The following LGI4 variants were observed in gnomAD, a reference collection of about 807,000 sequenced individuals.
The protein encoded by LGI4 is leucine rich repeat LGI family member 4, also known as leucine-rich repeat LGI family member 4.
In LGI4, 36 loss-of-function variants were observed where a neutral mutation model predicts 48.3. The ratio of observed to expected loss-of-function variants is 0.75; its 90% CI spans 0.57 to 0.98. The LOEUF (loss-of-function observed/expected upper bound fraction) is 0.98, where lower values mean the gene tolerates loss of function less well. Ranked by LOEUF, LGI4 falls within the 50% of genes least tolerant of loss-of-function variation. The pLI is 0.00. For missense variants in LGI4, 701 were observed against 732.1 expected, an observed-to-expected ratio of 0.96 and a Z score of 0.49; for synonymous variants, 355 against 331.6, an observed-to-expected ratio of 1.07 and a Z score of -0.77.
At chr19:35,133,465 T>TC in intron 3 of LGI4, 1 of 1,375,140 alleles carries the variant, frequency 7.3e-7, no homozygotes, top group Non-Finnish European at 9.4e-7. Flanking sequence ...AGAAGTGAGG[T>TC]GATAATCAAC....
chr19:35,131,624 AC>A, intron 5 of LGI4, 69 bp from the exon 6 acceptor site: 1 of 1,510,594 alleles, frequency 6.6e-7, no homozygotes, highest in Non-Finnish European at 8.9e-7. Context: ...TCCTGCCCCC[AC>A]CTCAGGCAAG....
intron 6 of LGI4, 150 bp downstream of exon 6, chr19:35,131,236 G>C: frequency 1.1e-5 from 10 of 906,216 alleles, no homozygotes; most frequent in Non-Finnish European, 1.6e-5. Context: ...CTTTACAGAT[G>C]AGAAAACTGG....
Position 35,124,602 on chromosome 19 carries a change from C to CT in LGI4, c.*590dup, listed in dbSNP as rs1186402834. On this transcript the variant is annotated 3_prime_UTR_variant, in exon 9 of 9. Transcript: ENST00000310123. Reference sequence around the variant, plus strand: ...AAGGGCACCAGGCTCCCCGCGACACCTCCCGCTGTCCCTCCCTGTGCCCCG... The same window carrying CT: ...AAGGGCACCAGGCTCCCCGCGACACCTTCCCGCTGTCCCTCCCTGTGCCCCG... The CT allele has an allele frequency of 2.1e-5, 3 of 146,286 alleles. No individual in the cohort carries two copies. Among genetic ancestry groups the CT allele is most frequent in the African/African-American group, 7.5e-5 (3 of 39,738 alleles). 9.1% of individuals were successfully genotyped at this position (146,286 alleles called of 1,614,324 possible).
intron 6 of LGI4, among the ~76,000 whole-genome samples, chr19:35,130,764 C>T (rs2065168974): frequency 6.6e-6 from 1 of 152,144 alleles, no homozygotes; most frequent in Admixed American, 6.5e-5. Flanking sequence ...CCTTCCTGTC[C>T]CCCCAGCTCT....
At chr19:35,133,123 C>G (rs901109947) in intron 3 of LGI4, among the ~76,000 whole-genome samples, 1 of 152,092 alleles carries the variant, frequency 6.6e-6, no homozygotes, top group Non-Finnish European at 1.5e-5. Flanking sequence ...CATCCCCACT[C>G]CATCATCATC....
intron 2 of LGI4, 51 bp from the exon 3 acceptor site, chr19:35,133,815 A>T: frequency 1.3e-6 from 2 of 1,547,720 alleles, no homozygotes; most frequent in Non-Finnish European, 1.8e-6. Flanking sequence ...CCCCCATCTG[A>T]CATTTTAACC....
At chr19:35,132,246 T>G (rs1446296729) in intron 3 of LGI4, among the ~76,000 whole-genome samples, 2 of 152,050 alleles carry the variant, frequency 1.3e-5, no homozygotes, top group African/African-American at 4.8e-5. Context: ...TCATTGCCAG[T>G]TTCACTGTGA....
chr19:35,134,271 C>A (rs2065194490), intron 1 of LGI4, among the ~76,000 whole-genome samples, 167 bp from the exon 2 acceptor site: 1 of 152,222 alleles, frequency 6.6e-6, no homozygotes, highest in Non-Finnish European at 1.5e-5. Flanking sequence ...TTGACAAGGA[C>A]CCTGACAGCA....
Position 35,134,069 on chromosome 19 carries a change from G to T in LGI4, c.206C>A (p.Ala69Asp), listed in dbSNP as rs779470894. 6.4e-7 allele frequency: 1 copy of T among 1,566,492 alleles called. No individual in the cohort carries two copies. The highest frequency in any genetic ancestry group is 1.2e-5 in the South Asian group (1 of 84,932). ...LVRTGVTQLK[A>D]GSFLRIPSLH... is the part of the protein sequence containing the mutation. ...AGACGGAATTCTCAGGAAGCTGCCG[G>T]CCTTCAGCTGGGTGACTCCCGTCCT... The change falls in exon 2 of 9, where the codon GCC becomes GAC. Residue 69 changes from alanine (A) to aspartate (D), a missense_variant. This residue lies in a region of LGI4 where 462 missense variants were observed against 436.4 expected (regional missense o/e 1.06). Coordinates refer to ENST00000310123, the MANE Select transcript of LGI4 (RefSeq NM_139284.3).
At position 35,131,818 on chromosome 19, in the gene LGI4, C is replaced by G; in HGVS notation, c.429G>C (p.Leu143=). ...NNHLETLPRF[L]FRGLDTLTHV... The stretch of plus-strand genomic sequence containing the variant: ...GAGTAAGGGTGTCCAGGCCTCGGAA[C>G]AGGAATCTGGGGAGGGTCTCCAGAT... Residue 143 remains leucine (L), a synonymous_variant, in exon 5 of 9, where the codon CTG becomes CTC. Coordinates refer to ENST00000310123, the MANE Select transcript of LGI4 (RefSeq NM_139284.3). 6.4e-7 allele frequency: 1 copy of G among 1,572,948 alleles called. No individual in the cohort carries two copies.
rs377298594 is a variant in LGI4, at chr19:35,125,189, G to A, written c.*4C>T. 2.2e-5 allele frequency: 34 copies of A among 1,513,732 alleles called. No homozygotes were observed. In the African/African-American group the frequency reaches 4.5e-4, roughly 20 times the overall value. 93.8% of individuals were successfully genotyped at this position (1,513,732 alleles called of 1,614,324 possible). On this transcript the variant is annotated 3_prime_UTR_variant, in exon 9 of 9. Transcript: ENST00000310123. ...CAGCCATGCCCAGAGTCCCGTTGGTGGTCTCAGGCACTGAGGTCGATCTCG... is the reference window on the plus strand; with the variant it reads ...CAGCCATGCCCAGAGTCCCGTTGGTAGTCTCAGGCACTGAGGTCGATCTCG...
In LGI4 at chr19:35,134,525, C is replaced by A; in HGVS notation, c.156G>T (p.Pro52=). 2 of 1,582,868 alleles carry A rather than the reference C, an allele frequency of 1.3e-6. No homozygotes were observed. The highest frequency in any genetic ancestry group is 2.7e-5 in the African/African-American group (2 of 74,834). ...GSPDLPVSFS[P]TLLSLSLVRT... is the part of the protein sequence containing the mutation. ...TGGACACTCACAGTGACAGCAGGGT[C>A]GGAGAGAAGCTGACGGGCAGGTCCG... The change falls in exon 1 of 9, where the codon CCG becomes CCT. Residue 52 remains proline, a synonymous_variant. Coordinates refer to ENST00000310123, the MANE Select transcript of LGI4 (RefSeq NM_139284.3).
chr19:35,132,324 A>T (rs1414003065), intron 3 of LGI4, among the ~76,000 whole-genome samples: 1 of 152,034 alleles, frequency 6.6e-6, no homozygotes, highest in Non-Finnish European at 1.5e-5. Flanking sequence ...CAATACCTCC[A>T]GCATCATTGG....
chr19:35,126,084 G>A (rs2065132967), intron 8 of LGI4, 186 bp downstream of exon 8: 1 of 637,582 alleles, frequency 1.6e-6, no homozygotes, highest in Non-Finnish European at 2.8e-6. Context: ...GCCAGCATCA[G>A]TGTCGGGGAC....
In LGI4 at chr19:35,133,741, GAGA is replaced by G. The variant is rs2065190797; in HGVS notation, c.263_265del (p.Phe88del). 1 of 1,609,568 alleles carries G rather than the reference GAGA, an allele frequency of 6.2e-7. No homozygotes were observed. The highest frequency in any genetic ancestry group is 1.7e-4 in the Middle Eastern group (1 of 5,914). ...CGCAAATGCATCGTCCTCAATCACGGAGAAGGAGTTGGAGGTGAAGAGGCTGGC... is the reference window on the plus strand; with the variant it reads ...CGCAAATGCATCGTCCTCAATCACGGAGGAGTTGGAGGTGAAGAGGCTGGC... On this transcript the variant is annotated inframe_deletion, in exon 3 of 9. Transcript: ENST00000310123.
rs779968006 is a variant in LGI4, at chr19:35,126,528, G to A, written c.1041C>T (p.Arg347=). Reference sequence around the variant, plus strand: ...GGTGCGGGTAAAAGCCGGGCCCGTCGCGGCACAGCAGCGTGGTGCTGCCCG... The same window carrying A: ...GGTGCGGGTAAAAGCCGGGCCCGTCACGGCACAGCAGCGTGGTGCTGCCCG... ...SKAGSTTLLC[R]DGPGFYPHQS... is the part of the protein sequence containing the mutation. Residue 347 remains arginine (R), a synonymous_variant, in exon 8 of 9, where the codon CGC becomes CGT. Transcript: ENST00000310123. 6.5e-6 allele frequency: 10 copies of A among 1,543,104 alleles called. No homozygotes were observed. In the East Asian group the frequency reaches 2.2e-4, roughly 33 times the overall value.
chr19:35,124,764 G>C lies in LGI4; in HGVS notation c.*429C>G, dbSNP rs2065118328. On this transcript the variant is annotated 3_prime_UTR_variant, in exon 9 of 9. Transcript: ENST00000310123. ...CTCCAGGAAAGCGATTGGCTGCGTG[G>C]AGTTTAGAATGGGAAAGGAATGCCA... 6.3e-6 allele frequency: 1 copy of C among 157,882 alleles called. No homozygotes were observed. The highest frequency in any genetic ancestry group is 2.4e-5 in the African/African-American group (1 of 41,706). The allele number at this position is 157,882 out of a possible 1,614,324, so 9.8% of individuals were successfully genotyped here.
intron 3 of LGI4, 128 bp downstream of exon 3, chr19:35,133,565 C>G (rs2065189369): frequency 6.8e-7 from 1 of 1,477,192 alleles, no homozygotes; most frequent in Admixed American, 2.6e-5. Context: ...TTTATCAACA[C>G]CATCCCACCA....
At position 35,126,704 on chromosome 19, in the gene LGI4, C is replaced by G. The variant is rs932585600; in HGVS notation, c.865G>C (p.Gly289Arg). The G allele has an allele frequency of 5.9e-6, 9 of 1,538,224 alleles. No homozygotes were observed. Among genetic ancestry groups the G allele is most frequent in the East Asian group, 4.9e-5 (2 of 41,178 alleles). Residue 289 changes from glycine to arginine, a missense_variant, in exon 8 of 9, where the codon GGG (glycine) becomes CGG (arginine). Physicochemically the swap from Gly to Arg is moderately radical, Grantham distance 125. Around this residue, in one of 3 missense-constraint regions of LGI4, gnomAD observed 462 missense variants for 436.4 expected, o/e 1.06. Coordinates refer to ENST00000310123, the MANE Select transcript of LGI4 (RefSeq NM_139284.3). ...GGCCGGGCCCACAGCTGTGAGCCCC[C>G]CCACAGGCGGGCAGCCAGCACGAAG... is the stretch of plus-strand genomic sequence containing the variant. ...SLFVLAARLWGGSQLWARPSP... is the reference protein window; with the variant it reads ...SLFVLAARLWRGSQLWARPSP...
Sources: allele counts gnomAD v4.1 joint callset (sites outside exome capture counted in the v4.1 genomes callset), GRCh38; gene constraint gnomAD v4.1.1; regional missense constraint gnomAD v4.1.1; transcripts MANE v1.5; gene names NCBI Gene and HGNC (gene_info 2026-07-23, HGNC 2026-07-21).